Variants in WDR41 observed in about 807,000 individuals in gnomAD.
WDR41 encodes the protein WD repeat-containing protein 41.
In WDR41, 63 loss-of-function variants were observed where a neutral mutation model predicts 69.3. The ratio of observed to expected loss-of-function variants is 0.91; its 90% CI spans 0.74 to 1.12. The LOEUF is 1.12. Among genes scored for constraint, WDR41 ranks in the 50% most tolerant of loss-of-function variants. WDR41 has a pLI of 0.00. For synonymous variants in WDR41, 185 were observed against 192.1 expected (o/e 0.96, Z 0.31); for missense variants, 543 against 534.5 (o/e 1.02, Z -0.16).
intron 1 of WDR41, among the ~76,000 whole-genome samples, chr5:77,535,023 G>A (rs78857818): frequency 0.017 from 2,615 of 152,204 alleles, 73 homozygotes; most frequent in African/African-American, 0.06. Flanking sequence ...ACTGTTCTGG[G>A]TAAATACCAA....
intron 1 of WDR41, among the ~76,000 whole-genome samples, chr5:77,568,033 T>TATATC (rs1291992204): frequency 6.6e-6 from 1 of 152,132 alleles, no homozygotes; most frequent in Non-Finnish European, 1.5e-5. Flanking sequence ...GAGTTGAGTC[T>TATATC]ATATCAGCTA....
At chr5:77,531,669 G>A (rs1226142436) in intron 1 of WDR41, among the ~76,000 whole-genome samples, 1 of 151,944 alleles carries the variant, frequency 6.6e-6, no homozygotes, top group Non-Finnish European at 1.5e-5. Flanking sequence ...GTACTCATAC[G>A]AATATTTGTA....
chr5:77,545,449 G>A (rs1440796425), intron 1 of WDR41: 14 of 204,336 alleles, frequency 6.9e-5, no homozygotes, highest in Non-Finnish European at 9.8e-6. Context: ...CAAGGGCCCT[G>A]GGATGGGGAA....
At chr5:77,472,235 A>C (rs1800658192) in intron 2 of WDR41, among the ~76,000 whole-genome samples, 1 of 152,196 alleles carries the variant, frequency 6.6e-6, no homozygotes, top group South Asian at 2.1e-4. Flanking sequence ...TCTTCATGCT[A>C]AAAACTCTCA....
intron 1 of WDR41, among the ~76,000 whole-genome samples, chr5:77,586,137 AC>A (rs1744033786): frequency 6.6e-6 from 1 of 152,154 alleles, no homozygotes; most frequent in African/African-American, 2.4e-5. Flanking sequence ...ATAATAAATA[AC>A]TTTTCATTTG....
In WDR41 at chr5:77,577,796, G is replaced by T. The variant is rs149253572; in HGVS notation, c.42+42683C>A. On this transcript the variant is annotated intron_variant, in intron 1 of 5. Transcript: ENST00000509971. ...TACAGGTGCTCCTCAACTTATTATG[G>T]AGTTATGTCCCAATAAACCCATTGT... Among the ~76,000 whole-genome samples, 17 of 152,196 alleles carry T rather than the reference G, an allele frequency of 1.1e-4. No individual in the cohort carries two copies. The East Asian group carries it at 3.1e-3, about 28-fold the overall frequency.
chr5:77,559,689 A>ATGTG (rs926171445), intron 1 of WDR41, among the ~76,000 whole-genome samples: 1 of 150,994 alleles, frequency 6.6e-6, no homozygotes, highest in Non-Finnish European at 1.5e-5. Flanking sequence ...ATATAATGTT[A>ATGTG]TGTGTGTGTG....
chr5:77,602,755 T>A (rs983343662), intron 1 of WDR41, among the ~76,000 whole-genome samples: 1 of 152,194 alleles, frequency 6.6e-6, no homozygotes, highest in Admixed American at 6.5e-5. Context: ...TTCATTTCCT[T>A]TGGATAAATG....
At chr5:77,465,179 T>C (rs1407898673) in intron 2 of WDR41, among the ~76,000 whole-genome samples, 1 of 152,206 alleles carries the variant, frequency 6.6e-6, no homozygotes, top group Non-Finnish European at 1.5e-5. Flanking sequence ...ATTACGATGT[T>C]AAATAAATTC....
chr5:77,558,971 A>G (rs1743465959), intron 1 of WDR41, among the ~76,000 whole-genome samples: 1 of 152,240 alleles, frequency 6.6e-6, no homozygotes, highest in South Asian at 2.1e-4. Flanking sequence ...ATTGTGGGCT[A>G]AGATTCCTTA....
intron 2 of WDR41, among the ~76,000 whole-genome samples, chr5:77,481,781 T>C (rs1385575038): frequency 1.4e-5 from 1 of 73,420 alleles, no homozygotes; most frequent in Non-Finnish European, 2.2e-5. Context: ...CGAGACTCCG[T>C]CTCAAAAAAA....
chr5:77,558,094 T>TTTTAAAAAAAAAAAA (rs1554036365), intron 1 of WDR41, among the ~76,000 whole-genome samples: 5 of 104,302 alleles, frequency 4.8e-5, no homozygotes, highest in African/African-American at 1.8e-4. Context: ...ATGTTCTTTT[T>TTTTAAAAAAAAAAAA]AAAAAAAAAA....
chr5:77,440,724 T>A, intron 9 of WDR41, 89 bp downstream of exon 9: 2 of 1,282,346 alleles, frequency 1.6e-6, no homozygotes, highest in Non-Finnish European at 2.2e-6. Context: ...ATACCTTTTT[T>A]ATGTCCAACA....
chr5:77,492,224 G>C lies in WDR41; in HGVS notation c.-4C>G. ...CCCCGATCAGCCATCGCAACATCCG[G>C]GCAGCGGCGGCGTCTTGCCCGGTCC... On this transcript the variant is annotated 5_prime_UTR_variant, in exon 1 of 13. Coordinates refer to ENST00000296679, the MANE Select transcript of WDR41 (RefSeq NM_018268.4). The C allele has an allele frequency of 1.2e-6, 2 of 1,612,502 alleles. No homozygotes were observed. Among genetic ancestry groups the C allele is most frequent in the African/African-American group, 1.3e-5 (1 of 74,914 alleles).
chr5:77,595,148 GTCT>G (rs5868874), intron 1 of WDR41, among the ~76,000 whole-genome samples: 48,121 of 151,794 alleles, frequency 0.32, 8,011 homozygotes, highest in East Asian at 0.54. Context: ...GAAATTTAAG[GTCT>G]TCTTCGTGCT....
intron 5 of WDR41, among the ~76,000 whole-genome samples, chr5:77,455,531 A>G (rs1443250856): frequency 6.6e-6 from 1 of 152,194 alleles, no homozygotes; most frequent in Non-Finnish European, 1.5e-5. Context: ...ACCTAGCCCA[A>G]GGTCACAGAG....
chr5:77,562,267 C>T (rs929818302), intron 1 of WDR41, among the ~76,000 whole-genome samples: 31 of 152,068 alleles, frequency 2.0e-4, no homozygotes, highest in African/African-American at 6.5e-4. Flanking sequence ...TCACCAACCA[C>T]GGGCTAAATA....
intron 1 of WDR41, among the ~76,000 whole-genome samples, chr5:77,605,144 A>G (rs1454494094): frequency 1.3e-5 from 2 of 152,218 alleles, no homozygotes; most frequent in African/African-American, 2.4e-5. Flanking sequence ...GCTGCCAAAA[A>G]TGCTACTGAT....
chr5:77,575,146 A>T (rs1392898837), intron 1 of WDR41, among the ~76,000 whole-genome samples: 1 of 152,246 alleles, frequency 6.6e-6, no homozygotes, highest in Non-Finnish European at 1.5e-5. Flanking sequence ...AATATACTGC[A>T]GTATAGTGTC....
Sources: allele counts gnomAD v4.1 joint callset (sites outside exome capture counted in the v4.1 genomes callset), GRCh38; gene constraint gnomAD v4.1.1; transcripts MANE v1.5; gene names NCBI Gene and HGNC (gene_info 2026-07-23, HGNC 2026-07-21).